PHACTR3: variants seen among roughly 807,000 people sequenced by gnomAD.
PHACTR3 encodes phosphatase and actin regulator 3.
PHACTR3 carries 16 observed loss-of-function variants against 66.8 expected under a neutral mutation model. That is an observed-to-expected ratio of 0.24 (90% CI 0.16 to 0.36). The LOEUF is 0.36. Ranked by LOEUF, PHACTR3 falls within the 10% of genes least tolerant of loss-of-function variation. PHACTR3 has a pLI of 1.00. For synonymous variants in PHACTR3, 323 were observed against 292.1 expected, an observed-to-expected ratio of 1.11 and a Z score of -1.08; for missense variants, 647 against 719.9, an observed-to-expected ratio of 0.90 and a Z score of 1.16.
intron 1 of PHACTR3, among the ~76,000 whole-genome samples, chr20:59,617,230 C>G (rs1379317750): frequency 2.6e-5 from 4 of 152,122 alleles, no homozygotes; most frequent in Non-Finnish European, 4.4e-5. Context: ...CCTCCTCATA[C>G]CTATTCCCAT....
intron 10 of PHACTR3, 103 bp from the exon 11 acceptor site, chr20:59,841,292 T>G: frequency 8.2e-7 from 1 of 1,224,238 alleles, no homozygotes; most frequent in Non-Finnish European, 1.1e-6. Flanking sequence ...TTCAGGTTTT[T>G]TTTGTTTTGT....
chr20:59,605,080 C>T lies in PHACTR3; in HGVS notation c.66C>T (p.Ser22=). The change falls in exon 1 of 13, where the codon AGC becomes AGT. Residue 22 remains serine, a synonymous_variant. Coordinates refer to ENST00000371015, the MANE Select transcript of PHACTR3 (RefSeq NM_080672.5). ...VSRGRSQSDP[S]VLTDSSATSS... Reference sequence around the variant, plus strand: ...GGGGCCGCTCGCAGAGTGACCCCAGCGTCCTCACCGACTCCTCGGCCACCT... The same window carrying T: ...GGGGCCGCTCGCAGAGTGACCCCAGTGTCCTCACCGACTCCTCGGCCACCT... 1.4e-6 allele frequency: 2 copies of T among 1,417,040 alleles called. No homozygotes were observed. The highest frequency in any genetic ancestry group is 1.9e-6 in the Non-Finnish European group (2 of 1,079,488). The allele number at this position is 1,417,040 out of a possible 1,614,324, so 87.8% of individuals were successfully genotyped here. A position where few individuals can be genotyped will look rare whatever the true frequency, so the allele number is the denominator to read the frequency against.
At chr20:59,753,589 ACAATG>A (rs1017929288) in intron 3 of PHACTR3, among the ~76,000 whole-genome samples, 10 of 152,194 alleles carry the variant, frequency 6.6e-5, no homozygotes, top group African/African-American at 1.9e-4. Context: ...ATCACCAACA[ACAATG>A]ACAGAAAGCA....
intron 1 of PHACTR3, among the ~76,000 whole-genome samples, chr20:59,725,847 G>T (rs2038542177): frequency 6.6e-6 from 1 of 152,208 alleles, no homozygotes; most frequent in East Asian, 1.9e-4. Flanking sequence ...AGGCTGAGAG[G>T]CTGGGAGTTG....
chr20:59,843,036 C>T (rs1337158859), intron 11 of PHACTR3, among the ~76,000 whole-genome samples: 3 of 151,608 alleles, frequency 2.0e-5, no homozygotes, highest in Non-Finnish European at 1.5e-5. Flanking sequence ...ATAGGATACA[C>T]AAAATCACAC....
At chr20:59,705,018 G>T (rs1301258147) in intron 1 of PHACTR3, among the ~76,000 whole-genome samples, 1 of 149,634 alleles carries the variant, frequency 6.7e-6, no homozygotes, top group East Asian at 2.0e-4. Context: ...GTGCAGTGGT[G>T]CCATCTGGGC....
chr20:59,605,858 T>TGGGGGGGGGGGGGGGGGGGGGGGGGGGG (rs55834062), intron 1 of PHACTR3, among the ~76,000 whole-genome samples: 1 of 87,686 alleles, frequency 1.1e-5, no homozygotes, highest in African/African-American at 4.8e-5. Context: ...GGGGGGGAGG[T>TGGGGGGGGGGGGGGGGGGGGGGGGGGGG]GGGGGGGGGG....
At position 59,623,698 on chromosome 20, in the gene PHACTR3, C is replaced by T. The variant is rs986384134; in HGVS notation, c.118+18566C>T. Among the ~76,000 whole-genome samples the T allele has an allele frequency of 3.9e-5, 6 of 152,236 alleles. No individual in the cohort carries two copies. The South Asian group carries it at 1.0e-3, about 26-fold the overall frequency. On this transcript the variant is annotated intron_variant, in intron 1 of 12. Coordinates refer to ENST00000371015, the MANE Select transcript of PHACTR3 (RefSeq NM_080672.5). ...GATGAAGGTGGGGTGGGGATGGTGACCACTGTCCCTGGCAGAGGAACAGCG... is the reference window on the plus strand; with the variant it reads ...GATGAAGGTGGGGTGGGGATGGTGATCACTGTCCCTGGCAGAGGAACAGCG...
At chr20:59,674,756 CT>C (rs1227377449) in intron 1 of PHACTR3, among the ~76,000 whole-genome samples, 25 of 49,746 alleles carry the variant, frequency 5.0e-4, no homozygotes, top group East Asian at 2.7e-3. Flanking sequence ...CTCTGGTTCC[CT>C]CCTTCTCCTG....
chr20:59,667,161 C>T (rs184533128), intron 1 of PHACTR3, among the ~76,000 whole-genome samples: 2 of 152,284 alleles, frequency 1.3e-5, no homozygotes, highest in Admixed American at 6.5e-5. Flanking sequence ...AAACCTCTCT[C>T]TTCTGTCTTG....
At chr20:59,625,041 G>T (rs1051653730) in intron 1 of PHACTR3, among the ~76,000 whole-genome samples, 1 of 152,086 alleles carries the variant, frequency 6.6e-6, no homozygotes, top group African/African-American at 2.4e-5. Flanking sequence ...TTCTGACTTT[G>T]CTTGTTCTTA....
chr20:59,661,847 G>A (rs1019061623), intron 1 of PHACTR3, among the ~76,000 whole-genome samples: 3 of 152,200 alleles, frequency 2.0e-5, no homozygotes, highest in East Asian at 1.9e-4. Context: ...GTTAGGTGGT[G>A]TGAAAAATGA....
rs532793461 is a variant in PHACTR3, at chr20:59,597,244, G to A, written c.109+19627G>A. On this transcript the variant is annotated intron_variant, in intron 1 of 12. Transcript: ENST00000359926. ...GAGGATGATTATTCCAACCTCACAA[G>A]ATTATAAATCAATGCATGTGAGGTC... 2.0e-4 allele frequency among the ~76,000 whole-genome samples: 30 copies of A among 152,354 alleles called. No individual in the cohort carries two copies. In the South Asian group the frequency reaches 4.6e-3, roughly 23 times the overall value.
chr20:59,842,989 C>G (rs1206879533), intron 11 of PHACTR3, among the ~76,000 whole-genome samples: 1 of 152,070 alleles, frequency 6.6e-6, no homozygotes, highest in Non-Finnish European at 1.5e-5. Flanking sequence ...CCTAAAGACT[C>G]CACCAAAAAC....
chr20:59,594,472 G>C (rs1004437507), intron 1 of PHACTR3, among the ~76,000 whole-genome samples: 2 of 151,876 alleles, frequency 1.3e-5, no homozygotes, highest in Non-Finnish European at 2.9e-5. Flanking sequence ...CTTGAACAAT[G>C]TTGAACAGAC....
intron 1 of PHACTR3, among the ~76,000 whole-genome samples, chr20:59,620,077 G>A (rs754851991): frequency 1.3e-5 from 2 of 152,138 alleles, no homozygotes; most frequent in Admixed American, 6.5e-5. Flanking sequence ...CCCTAAACCC[G>A]GTGTGTTTCC....
intron 2 of PHACTR3, 91 bp from the exon 3 acceptor site, chr20:59,747,667 T>C: frequency 6.8e-7 from 1 of 1,463,742 alleles, no homozygotes; most frequent in Admixed American, 1.9e-5. Context: ...GTTTTTGGTC[T>C]GTAAACTTGA....
intron 1 of PHACTR3, among the ~76,000 whole-genome samples, chr20:59,667,525 C>T (rs142888463): frequency 3.3e-4 from 50 of 152,384 alleles, no homozygotes; most frequent in African/African-American, 1.2e-3. Context: ...CTAAACATCA[C>T]AGGAAACAAA....
intron 3 of PHACTR3, among the ~76,000 whole-genome samples, chr20:59,750,060 G>A (rs539818937): frequency 8.5e-5 from 13 of 152,268 alleles, no homozygotes; most frequent in African/African-American, 2.9e-4. Flanking sequence ...GTCAGGGTCT[G>A]TGCTAGCTGC....
Sources: gnomAD v4.1 joint callset for allele counts (sites outside exome capture counted in the v4.1 genomes callset) on GRCh38, gnomAD v4.1.1 for gene constraint, MANE v1.5 for transcripts, NCBI Gene and HGNC (gene_info 2026-07-23, HGNC 2026-07-21) for gene names.